The following RAD54L2 variants were observed in gnomAD, a reference collection of about 807,000 sequenced individuals.
RAD54L2 encodes RAD54 like 2.
RAD54L2 carries 27 observed loss-of-function variants against 138.4 expected under a neutral mutation model. The ratio of observed to expected loss-of-function variants is 0.20; its 90% CI spans 0.14 to 0.27. RAD54L2 has a LOEUF of 0.27. Among genes scored for constraint, RAD54L2 ranks in the 10% least tolerant of loss-of-function variants. The pLI is 1.00. For synonymous variants in RAD54L2, 644 were observed against 723.2 expected, an observed-to-expected ratio of 0.89 and a Z score of 1.76; for missense variants, 1,396 against 1,890.2, an observed-to-expected ratio of 0.74 and a Z score of 4.85.
intron 3 of RAD54L2, among the ~76,000 whole-genome samples, chr3:51,610,299 A>G (rs564099591): frequency 1.3e-5 from 2 of 152,188 alleles, no homozygotes; most frequent in East Asian, 1.9e-4. Flanking sequence ...TATCTCATTC[A>G]TTATTAAAGA....
At chr3:51,590,764 TG>T (rs1699822603) in intron 3 of RAD54L2, among the ~76,000 whole-genome samples, 1 of 152,342 alleles carries the variant, frequency 6.6e-6, no homozygotes, top group South Asian at 2.1e-4. Context: ...GTTTTACTGC[TG>T]GAAGAACCTT....
Position 51,665,151 on chromosome 3 carries a change from C to G in RAD54L2, c.*1731C>G, listed in dbSNP as rs955693650. The G allele has an allele frequency of 6.6e-6, 1 of 152,226 alleles. No homozygotes were observed. The allele number at this position is 152,226 out of a possible 1,614,324, so 9.4% of individuals were successfully genotyped here. ...AGCATAAACACTGGCTGTCTTCCTA[C>G]TGGTGTCCCCGCCCCCTCTGTATCC... On this transcript the variant is annotated 3_prime_UTR_variant, in exon 23 of 23. Transcript: ENST00000684192.
chr3:51,615,075 G>T (rs1311439093), intron 3 of RAD54L2, among the ~76,000 whole-genome samples: 1 of 151,956 alleles, frequency 6.6e-6, no homozygotes, highest in African/African-American at 2.4e-5. Flanking sequence ...GTGCAATGGC[G>T]TGATCTTGGC....
intron 10 of RAD54L2, chr3:51,636,942 A>C: frequency 1.8e-6 from 1 of 569,230 alleles, no homozygotes. Flanking sequence ...CAAAAAAGAA[A>C]AAAAAAGAGT....
intron 7 of RAD54L2, among the ~76,000 whole-genome samples, chr3:51,633,120 T>C (rs1324404221): frequency 1.3e-5 from 2 of 152,072 alleles, no homozygotes; most frequent in African/African-American, 4.8e-5. Context: ...CTCTGGAGGC[T>C]GAGGCAAGAG....
chr3:51,662,791 G>A lies in RAD54L2; in HGVS notation c.3775G>A (p.Ala1259Thr), dbSNP rs1429839059. The A allele has an allele frequency of 6.2e-7, 1 of 1,610,874 alleles. No individual in the cohort carries two copies. Among genetic ancestry groups the A allele is most frequent in the East Asian group, 2.2e-5 (1 of 44,768 alleles). Reference sequence around the variant, plus strand: ...CTTAAGGGGCCACAAGCGAAAGTTGGCCACACCACCTGCTGCCCAGGAGTC... The same window carrying A: ...CTTAAGGGGCCACAAGCGAAAGTTGACCACACCACCTGCTGCCCAGGAGTC... ...LDLRGHKRKL[A>T]TPPAAQESSR... The change falls in exon 23 of 23, where the codon GCC becomes ACC. Residue 1259 changes from alanine (A) to threonine (T), a missense_variant. Ala to Thr is a moderately conservative substitution (Grantham distance 58). Transcript: ENST00000684192. The surrounding 1 kb of genome is among the most constrained non-coding windows in gnomAD (Gnocchi z 4.6).
At chr3:51,550,867 T>C (rs997358773) in intron 2 of RAD54L2, among the ~76,000 whole-genome samples, 3 of 152,000 alleles carry the variant, frequency 2.0e-5, no homozygotes, top group African/African-American at 7.2e-5. Flanking sequence ...GCCAACATGG[T>C]GAAACCCTGT....
intron 3 of RAD54L2, among the ~76,000 whole-genome samples, chr3:51,596,654 A>G (rs1195331004): frequency 6.6e-6 from 1 of 152,088 alleles, no homozygotes; most frequent in African/African-American, 2.4e-5. Context: ...CTTTTAGGCT[A>G]CCCTTTTTCG....
chr3:51,543,166 A>G (rs530638299), intron 2 of RAD54L2, among the ~76,000 whole-genome samples: 2 of 152,208 alleles, frequency 1.3e-5, no homozygotes, highest in Admixed American at 6.5e-5. Flanking sequence ...TTTTTTCCCA[A>G]TAAGACAGGA....
chr3:51,631,205 CT>C (rs2106798009), intron 7 of RAD54L2, among the ~76,000 whole-genome samples: 1 of 152,280 alleles, frequency 6.6e-6, no homozygotes, highest in East Asian at 1.9e-4. Flanking sequence ...TAATTTGAGC[CT>C]CTTTCTGTGG....
intron 22 of RAD54L2, 23 bp downstream of exon 22, chr3:51,660,141 T>A: frequency 6.4e-7 from 1 of 1,564,622 alleles, no homozygotes; most frequent in Non-Finnish European, 8.8e-7. Context: ...TTACTTTCCA[T>A]TTTACTTTTC....
Position 51,608,654 on chromosome 3 carries a change from G to A in RAD54L2, c.139+18095G>A, listed in dbSNP as rs56753900. ...AGCCCGGCCAACACGGCGAAACCCC[G>A]TCTCCACCAAAAAATACGAAAACCA... On this transcript the variant is annotated intron_variant, in intron 3 of 22. Coordinates refer to ENST00000684192, the MANE Select transcript of RAD54L2 (RefSeq NM_015106.4). Among the ~76,000 whole-genome samples, 654 of 152,300 alleles carry A rather than the reference G, an allele frequency of 4.3e-3. 4 individuals are homozygous for A. Among genetic ancestry groups the A allele is most frequent in the African/African-American group, 0.015 (624 of 41,558 alleles).
chr3:51,612,991 G>T (rs1438254948), intron 3 of RAD54L2, among the ~76,000 whole-genome samples: 1 of 152,064 alleles, frequency 6.6e-6, no homozygotes, highest in Non-Finnish European at 1.5e-5. Flanking sequence ...CCGGGCTGGA[G>T]TGTGGTGGCG....
chr3:51,662,471 G>A lies in RAD54L2; in HGVS notation c.3455G>A (p.Ser1152Asn). The A allele has an allele frequency of 6.3e-7, 1 of 1,579,216 alleles. No homozygotes were observed. Among genetic ancestry groups the A allele is most frequent in the Non-Finnish European group, 8.6e-7 (1 of 1,164,194 alleles). The change falls in exon 23 of 23, where the codon AGT becomes AAT. Residue 1152 changes from serine (S) to asparagine (N), a missense_variant. Ser to Asn is a conservative substitution (Grantham distance 46). This residue lies in a region of RAD54L2 where 634 missense variants were observed against 711.2 expected (regional missense o/e 0.89). Transcript: ENST00000684192. This position sits in a 1 kb window ranked among gnomAD's most constrained non-coding sequence, Gnocchi z 4.6. Reference sequence around the variant, plus strand: ...GAGTCCACAAGCAACGGCAGACACAGTGCCTCATCACCCAAAGCCCCCGAC... The same window carrying A: ...GAGTCCACAAGCAACGGCAGACACAATGCCTCATCACCCAAAGCCCCCGAC... ...SCESTSNGRH[S>N]ASSPKAPDPE...
chr3:51,559,279 T>C (rs954205181), intron 2 of RAD54L2, among the ~76,000 whole-genome samples: 5 of 152,220 alleles, frequency 3.3e-5, no homozygotes, highest in Non-Finnish European at 7.3e-5. Context: ...GGTTATACTC[T>C]CCAGCTTCCT....
At chr3:51,602,072 T>C (rs570446412) in intron 3 of RAD54L2, among the ~76,000 whole-genome samples, 1 of 152,216 alleles carries the variant, frequency 6.6e-6, no homozygotes, top group South Asian at 2.1e-4. Flanking sequence ...CCTCAAGTGA[T>C]CCGCCTGCCT....
In RAD54L2 at chr3:51,665,028, GT is replaced by G. The variant is rs1701884739; in HGVS notation, c.*1609del. On this transcript the variant is annotated 3_prime_UTR_variant, in exon 23 of 23. Coordinates refer to ENST00000684192, the MANE Select transcript of RAD54L2 (RefSeq NM_015106.4). ...AGGAACATGGAGGAGCCCTTTCTCT[GT>G]AGGAGCCCTAAGTCTGGGTTTTATC... 3 of 152,262 alleles carry G rather than the reference GT, an allele frequency of 2.0e-5. No individual in the cohort carries two copies. In the South Asian group the frequency reaches 6.2e-4, roughly 32 times the overall value. The allele number at this position is 152,262 out of a possible 1,614,324, so 9.4% of individuals were successfully genotyped here. A position where few individuals can be genotyped will look rare whatever the true frequency, so the allele number is the denominator to read the frequency against.
chr3:51,658,373 A>G (rs1006860237), intron 21 of RAD54L2, among the ~76,000 whole-genome samples: 4 of 152,172 alleles, frequency 2.6e-5, no homozygotes, highest in Non-Finnish European at 4.4e-5. Flanking sequence ...GTCCCCTGAT[A>G]GGATATGTAT....
chr3:51,636,980 G>C lies in RAD54L2; in HGVS notation c.1340-181G>C, dbSNP rs558795090. 101 of 608,622 alleles carry C rather than the reference G, an allele frequency of 1.7e-4. 1 individual carries two copies. In the South Asian group the frequency reaches 1.9e-3, roughly 12 times the overall value. The allele number at this position is 608,622 out of a possible 1,614,324, so 37.7% of individuals were successfully genotyped here. A position where few individuals can be genotyped will look rare whatever the true frequency, so the allele number is the denominator to read the frequency against. On this transcript the variant is annotated intron_variant, in intron 10 of 22. Transcript: ENST00000684192. ...ACTGCCAGATTAGCATTCATACCAA[G>C]TCATACCAGTCATATCCAGGAGCTT... is the stretch of plus-strand genomic sequence containing the variant.
Sources: gnomAD v4.1 joint callset for allele counts (sites outside exome capture counted in the v4.1 genomes callset) on GRCh38, gnomAD v4.1.1 for gene constraint, gnomAD v4.1.1 regional missense constraint, Gnocchi (gnomAD v3.1) non-coding constraint, MANE v1.5 for transcripts, NCBI Gene and HGNC (gene_info 2026-07-23, HGNC 2026-07-21) for gene names.